BBS12: variants seen among roughly 807,000 people sequenced by gnomAD.
BBS12 encodes the protein chaperonin-containing T-complex member BBS12.
In BBS12, 5 loss-of-function variants were observed where a neutral mutation model predicts 5.6. The ratio of observed to expected loss-of-function variants is 0.89; its 90% CI spans 0.46 to 1.86. BBS12 has a LOEUF of 1.86. BBS12 is among the 40% of genes most tolerant of loss of function. The pLI is 0.01. For missense variants in BBS12, 748 were observed against 830.4 expected (o/e 0.90, Z 1.22); for synonymous variants, 308 against 306.8 (o/e 1.00, Z -0.04).
the BBS12 span, among the ~76,000 whole-genome samples, chr4:122,727,290 G>A: frequency 6.6e-6 from 1 of 152,052 alleles, no homozygotes; most frequent in Non-Finnish European, 1.5e-5. Context: ...TGTCACCCAG[G>A]CTGGAGTGCA....
At chr4:122,714,488 T>C in the BBS12 span, among the ~76,000 whole-genome samples, 1 of 116,796 alleles carries the variant, frequency 8.6e-6, no homozygotes, top group Non-Finnish European at 1.7e-5. Flanking sequence ...AATAATACAA[T>C]TACAGAAACT....
At chr4:122,726,171 C>T in the BBS12 span, among the ~76,000 whole-genome samples, 7 of 151,940 alleles carry the variant, frequency 4.6e-5, no homozygotes, top group East Asian at 1.9e-4. Flanking sequence ...TCACAATCTA[C>T]GCATCCAACA....
At chr4:122,729,354 G>T (rs1364568345), upstream of BBS12, 1 of 152,250 alleles carries the variant, frequency 6.6e-6, no homozygotes. Context: ...CTGAGTAGGA[G>T]TTAAAAGACT....
At chr4:122,716,730 CACACACGTGTGTGTGT>C in the BBS12 span, among the ~76,000 whole-genome samples, 1 of 61,712 alleles carries the variant, frequency 1.6e-5, no homozygotes, top group African/African-American at 6.2e-5. Context: ...TGTATATACA[CACACACGTGTGTGTGT>C]ATATATATAA....
the BBS12 span, among the ~76,000 whole-genome samples, chr4:122,726,750 A>G: frequency 6.6e-6 from 1 of 152,208 alleles, no homozygotes; most frequent in Non-Finnish European, 1.5e-5. Flanking sequence ...TCATATATAT[A>G]TAATATGGAA....
At chr4:122,733,367 T>C (rs309359) in intron 1 of BBS12, among the ~76,000 whole-genome samples, 50,209 of 119,104 alleles carry the variant, frequency 0.42, 12,887 homozygotes, top group African/African-American at 0.66. Context: ...GACCCCGCCC[T>C]CCAACCCCAA....
the BBS12 span, among the ~76,000 whole-genome samples, chr4:122,710,548 G>A: frequency 6.6e-6 from 1 of 152,198 alleles, no homozygotes; most frequent in Non-Finnish European, 1.5e-5. Flanking sequence ...GTTCTGCTGG[G>A]TTAGAGAGGT....
At chr4:122,731,977 T>C (rs1167546581), upstream of BBS12, 1 of 152,258 alleles carries the variant, frequency 6.6e-6, no homozygotes, top group African/African-American at 2.4e-5. Context: ...AAGACTACTT[T>C]TAAAGAAAGC....
chr4:122,726,512 T>C, the BBS12 span, among the ~76,000 whole-genome samples: 1 of 152,198 alleles, frequency 6.6e-6, no homozygotes, highest in African/African-American at 2.4e-5. Context: ...GAAAAAACTG[T>C]GGAGATTCCT....
chr4:122,727,746 G>A (rs1343405606), upstream of BBS12, among the ~76,000 whole-genome samples: 1 of 151,706 alleles, frequency 6.6e-6, no homozygotes, highest in Non-Finnish European at 1.5e-5. Flanking sequence ...TAGAGACGGG[G>A]TTTCACCATG....
At chr4:122,720,802 T>G in the BBS12 span, among the ~76,000 whole-genome samples, 1 of 149,338 alleles carries the variant, frequency 6.7e-6, no homozygotes, top group Non-Finnish European at 1.5e-5. Flanking sequence ...TCATGTAAAA[T>G]AAAATTATGA....
At chr4:122,728,751 T>G (rs1255203858), upstream of BBS12, 1 of 152,234 alleles carries the variant, frequency 6.6e-6, no homozygotes, top group East Asian at 1.9e-4. Flanking sequence ...CCTCTTGTGT[T>G]GACAAGACAA....
chr4:122,738,823 A>G (rs192688634), intron 1 of BBS12, among the ~76,000 whole-genome samples: 2 of 152,372 alleles, frequency 1.3e-5, no homozygotes, highest in African/African-American at 4.8e-5. Flanking sequence ...TCACTAGGAT[A>G]TCTATAATAT....
chr4:122,729,053 C>A (rs190655522), upstream of BBS12: 1 of 152,426 alleles, frequency 6.6e-6, no homozygotes, highest in Admixed American at 6.5e-5. Context: ...CCCTAGTGGA[C>A]TTCAGTCTCC....
the BBS12 span, among the ~76,000 whole-genome samples, chr4:122,727,582 C>T: frequency 2.1e-5 from 1 of 48,340 alleles, no homozygotes; most frequent in Non-Finnish European, 3.3e-5. Flanking sequence ...TGGAGTCTCA[C>T]TCACTCTGTT....
the BBS12 span, among the ~76,000 whole-genome samples, chr4:122,715,079 G>A: frequency 1.3e-5 from 2 of 151,498 alleles, no homozygotes; most frequent in Admixed American, 6.6e-5. Context: ...AGGAATAATG[G>A]CTAAATACAC....
chr4:122,701,162 C>A, the BBS12 span, among the ~76,000 whole-genome samples: 2 of 152,120 alleles, frequency 1.3e-5, no homozygotes, highest in African/African-American at 4.8e-5. Context: ...AACATGAAAA[C>A]AATCACATTT....
the BBS12 span, among the ~76,000 whole-genome samples, chr4:122,702,020 G>A: frequency 6.6e-6 from 1 of 152,042 alleles, no homozygotes; most frequent in Admixed American, 6.6e-5. Flanking sequence ...CTCATGGAAA[G>A]GGAGAAAAAA....
chr4:122,717,803 G>A, the BBS12 span, among the ~76,000 whole-genome samples: 2 of 152,226 alleles, frequency 1.3e-5, no homozygotes, highest in East Asian at 3.9e-4. Context: ...GGGATTACAG[G>A]CATGAGCCAC....
Sources: allele counts gnomAD v4.1 joint callset (sites outside exome capture counted in the v4.1 genomes callset), GRCh38; gene constraint gnomAD v4.1.1; transcripts MANE v1.5; gene names NCBI Gene and HGNC (gene_info 2026-07-23, HGNC 2026-07-21).